Variants in TRPM1 observed in about 807,000 individuals in gnomAD.
TRPM1 encodes the protein TRPM1-203 APA Isoform, Intron 10.
A neutral mutation model predicts 149.4 loss-of-function variants in TRPM1; 113 were observed. The ratio of observed to expected loss-of-function variants is 0.76; its 90% CI spans 0.65 to 0.88. The LOEUF is 0.88. Ranked by LOEUF, TRPM1 falls within the 40% of genes least tolerant of loss-of-function variation. The pLI, the probability that TRPM1 is intolerant of heterozygous loss-of-function variation, is 0.00. For missense variants in TRPM1, 1,976 were observed against 2,038.7 expected (o/e 0.97, Z 0.59); for synonymous variants, 741 against 759.5 (o/e 0.98, Z 0.40).
At position 31,026,964 on chromosome 15, in the gene TRPM1, G is replaced by C. The variant is rs2032794853; in HGVS notation, c.3447C>G (p.Arg1149=). 1 of 1,613,982 alleles carries C rather than the reference G, an allele frequency of 6.2e-7. No individual in the cohort carries two copies. Among genetic ancestry groups the C allele is most frequent in the African/African-American group, 1.3e-5 (1 of 74,886 alleles). ...IYIIIMRLSG[R]CRKKREGDQE... is the part of the protein sequence containing the mutation. ...GGTCCCCTTCTCTCTTTTTCCTGCA[G>C]CGGCCGCTGAGACGCATAATGATGA... Residue 1149 remains arginine, a synonymous_variant, in exon 26 of 28, where the codon CGC becomes CGG. Coordinates refer to ENST00000256552, the MANE Select transcript of TRPM1 (RefSeq NM_001252024.2).
chr15:31,147,823 G>A (rs921974477), intron 1 of TRPM1, among the ~76,000 whole-genome samples: 2 of 152,158 alleles, frequency 1.3e-5, no homozygotes, highest in African/African-American at 2.4e-5. Context: ...ATAACCCTGG[G>A]GATGGAGCTG....
At chr15:31,088,487 C>G (rs529869502) in intron 1 of TRPM1, among the ~76,000 whole-genome samples, 1 of 152,212 alleles carries the variant, frequency 6.6e-6, no homozygotes, top group South Asian at 2.1e-4. Flanking sequence ...AGCAAGCCCA[C>G]GAACACACCT....
chr15:31,148,393 C>T (rs1422927348), intron 1 of TRPM1, among the ~76,000 whole-genome samples: 2 of 152,162 alleles, frequency 1.3e-5, no homozygotes, highest in Non-Finnish European at 2.9e-5. Flanking sequence ...CTGGCTCGGG[C>T]GCAGCTGCAC....
At chr15:31,012,222 A>T (rs1299454188) in intron 27 of TRPM1, among the ~76,000 whole-genome samples, 1 of 152,154 alleles carries the variant, frequency 6.6e-6, no homozygotes, top group East Asian at 1.9e-4. Flanking sequence ...TTATTTCTTC[A>T]TGTGGATCTT....
In TRPM1 at chr15:31,069,897, T is replaced by C. The variant is rs1037874653; in HGVS notation, c.279+134A>G. On this transcript the variant is annotated intron_variant, in intron 4 of 27. Coordinates refer to ENST00000256552, the MANE Select transcript of TRPM1 (RefSeq NM_001252024.2). ...CCATGTGCACAGATATATCTCTTGG[T>C]TTTTCAATGAAATATCTAGGAAGAT... 9 of 1,603,050 alleles carry C rather than the reference T, an allele frequency of 5.6e-6. No individual in the cohort carries two copies. In the Admixed American group the frequency reaches 1.0e-4, roughly 18 times the overall value.
At chr15:31,026,424 AGGGGTTG>A in intron 26 of TRPM1, 153 bp from the exon 27 acceptor site, 1 of 974,480 alleles carries the variant, frequency 1.0e-6, no homozygotes, top group South Asian at 1.4e-5. Flanking sequence ...TTATCTAAAA[AGGGGTTG>A]TCATACGCCC....
intron 27 of TRPM1, among the ~76,000 whole-genome samples, chr15:31,019,096 G>C (rs1477896383): frequency 6.6e-6 from 1 of 152,234 alleles, no homozygotes; most frequent in Non-Finnish European, 1.5e-5. Context: ...AGTGGAGCTA[G>C]GTCCAGTTCA....
In TRPM1 at chr15:31,049,378, G is replaced by A. The variant is rs1282532363; in HGVS notation, c.1569C>T (p.Asn523=). Reference sequence around the variant, plus strand: ...TCCCTTTTTCTAGAGCACTCACTGTGTTATAAAGCTCCTCCAGCCTCGGAA... The same window carrying A: ...TCCCTTTTTCTAGAGCACTCACTGTATTATAAAGCTCCTCCAGCCTCGGAA... The part of the protein sequence containing the change: ...LTIPRLEELY[N]TRLGPPNTLH... The change falls in exon 13 of 28, where the codon AAC becomes AAT. Residue 523 remains asparagine (N), a synonymous_variant. Transcript: ENST00000256552. 6.2e-7 allele frequency: 1 copy of A among 1,614,194 alleles called. No individual in the cohort carries two copies.
intron 27 of TRPM1, among the ~76,000 whole-genome samples, chr15:31,006,357 T>C (rs2031988994): frequency 1.3e-5 from 2 of 152,166 alleles, no homozygotes; most frequent in South Asian, 4.1e-4. Flanking sequence ...TTTGTATTTT[T>C]AGTAGAGACG....
intron 2 of TRPM1, among the ~76,000 whole-genome samples, chr15:31,078,753 G>C (rs1227818903): frequency 6.6e-6 from 1 of 152,328 alleles, no homozygotes; most frequent in South Asian, 2.1e-4. Context: ...GAAAGAAACT[G>C]TGCTTTTCCC....
At position 31,147,876 on chromosome 15, in the gene TRPM1, G is replaced by A. The variant is rs376111121; in HGVS notation, c.54+13030C>T. On this transcript the variant is annotated intron_variant, in intron 1 of 26. Transcript: ENST00000542188. ...GGTCCAGGTCCCCAGGGAGGTGGGC[G>A]GCTGCTGAACAGCCTGCCAATCATG... is the stretch of plus-strand genomic sequence containing the variant. Among the ~76,000 whole-genome samples, 20 of 152,292 alleles carry A rather than the reference G, an allele frequency of 1.3e-4. No individual in the cohort carries two copies. In the South Asian group the frequency reaches 2.9e-3, roughly 22 times the overall value.
At chr15:31,092,885 A>C (rs1378339571) in intron 1 of TRPM1, among the ~76,000 whole-genome samples, 1 of 152,226 alleles carries the variant, frequency 6.6e-6, no homozygotes, top group Non-Finnish European at 1.5e-5. Flanking sequence ...AGATACACAC[A>C]GTGTGATTCC....
chr15:31,011,137 C>A (rs1328206633), intron 27 of TRPM1, among the ~76,000 whole-genome samples: 2 of 152,094 alleles, frequency 1.3e-5, no homozygotes, highest in Non-Finnish European at 2.9e-5. Flanking sequence ...TGTCTTTATC[C>A]ATCCTTTTAC....
upstream of TRPM1, among the ~76,000 whole-genome samples, chr15:31,104,225 G>A (rs2035566928): frequency 6.6e-6 from 1 of 152,184 alleles, no homozygotes; most frequent in South Asian, 2.1e-4. Flanking sequence ...GAGGCCGGCT[G>A]GCGGTCACAG....
At chr15:31,111,115 C>G (rs1035427277) in intron 1 of TRPM1, among the ~76,000 whole-genome samples, 3 of 152,148 alleles carry the variant, frequency 2.0e-5, no homozygotes, top group Non-Finnish European at 4.4e-5. Context: ...CATTGTGTTA[C>G]AGCTTTGTAG....
intron 17 of TRPM1, 28 bp downstream of exon 17, chr15:31,041,923 G>A (rs1318949533): frequency 1.2e-6 from 2 of 1,613,606 alleles, no homozygotes; most frequent in Admixed American, 1.7e-5. Flanking sequence ...CATCTCTCCT[G>A]GCCTTTAAAT....
At chr15:31,101,773 GA>G, upstream of TRPM1, 24 of 958,994 alleles carry the variant, frequency 2.5e-5, no homozygotes, top group Non-Finnish European at 2.9e-5. Flanking sequence ...TCCCCATGAG[GA>G]GCATGTGAGC....
chr15:31,072,184 C>T (rs1343144667), intron 3 of TRPM1, among the ~76,000 whole-genome samples: 1 of 151,826 alleles, frequency 6.6e-6, no homozygotes, highest in Non-Finnish European at 1.5e-5. Flanking sequence ...CATCTATCTA[C>T]CTGTGCACCA....
At chr15:31,048,823 A>C (rs1452716179) in intron 13 of TRPM1, among the ~76,000 whole-genome samples, 1 of 152,188 alleles carries the variant, frequency 6.6e-6, no homozygotes, top group East Asian at 1.9e-4. Context: ...AACAAACAAA[A>C]AAAAATTCAC....
Sources: allele counts gnomAD v4.1 joint callset (sites outside exome capture counted in the v4.1 genomes callset), GRCh38; gene constraint gnomAD v4.1.1; transcripts MANE v1.5; gene names NCBI Gene and HGNC (gene_info 2026-07-23, HGNC 2026-07-21).